EML5: variants seen among roughly 807,000 people sequenced by gnomAD.
EML5 encodes EMAP like 5.
In EML5, 120 loss-of-function variants were observed where a neutral mutation model predicts 250.0. That is an observed-to-expected ratio of 0.48 (90% CI 0.41 to 0.56). EML5 has a LOEUF of 0.56. Among genes scored for constraint, EML5 ranks in the 20% least tolerant of loss-of-function variants. The pLI is 0.00. For missense variants in EML5, 2,006 were observed against 2,437.6 expected (o/e 0.82, Z 3.73); for synonymous variants, 771 against 806.5 (o/e 0.96, Z 0.75).
chr14:88,783,241 T>G (rs1421224202), intron 1 of EML5, among the ~76,000 whole-genome samples: 2 of 152,102 alleles, frequency 1.3e-5, no homozygotes, highest in Non-Finnish European at 1.5e-5. Context: ...TGGGGTTGGA[T>G]CCCCTACACA....
At chr14:88,621,745 C>T (rs541781758) in intron 37 of EML5, 2 of 342,364 alleles carry the variant, frequency 5.8e-6, no homozygotes, top group South Asian at 4.8e-5. Flanking sequence ...TACAAACACG[C>T]TCAAAAATTT....
chr14:88,738,740 C>T, intron 6 of EML5, 139 bp downstream of exon 6: 1 of 1,005,312 alleles, frequency 9.9e-7, no homozygotes, highest in Non-Finnish European at 1.4e-6. Context: ...GAATTTTAAT[C>T]AAATGCATAC....
chr14:88,786,132 C>G (rs1279041412), intron 1 of EML5, among the ~76,000 whole-genome samples: 2 of 152,188 alleles, frequency 1.3e-5, no homozygotes, highest in African/African-American at 4.8e-5. Context: ...CCTTTCCACA[C>G]AGCACATTAC....
chr14:88,700,006 T>C (rs1021882018), intron 14 of EML5, among the ~76,000 whole-genome samples: 2 of 152,120 alleles, frequency 1.3e-5, no homozygotes, highest in Non-Finnish European at 2.9e-5. Context: ...ACAGAATAAT[T>C]TGTCCAATTC....
At chr14:88,621,463 ACAGGCACACATCTAT>A (rs1266152709) in intron 37 of EML5, 162 bp from the exon 38 acceptor site, 1 of 675,516 alleles carries the variant, frequency 1.5e-6, no homozygotes, top group Non-Finnish European at 2.6e-6. Context: ...TTCTATGACT[ACAGGCACACATCTAT>A]CTGTAAGCAC....
intron 21 of EML5, among the ~76,000 whole-genome samples, chr14:88,675,518 G>A (rs12434978): frequency 0.17 from 26,619 of 152,126 alleles, 2,872 homozygotes; most frequent in East Asian, 0.47. Flanking sequence ...AGAGGGGCCC[G>A]TGGCCTGGCC....
At chr14:88,775,192 T>C (rs1453954225) in intron 1 of EML5, among the ~76,000 whole-genome samples, 1 of 152,146 alleles carries the variant, frequency 6.6e-6, no homozygotes, top group Non-Finnish European at 1.5e-5. Flanking sequence ...TTATCAACTG[T>C]GGTGGCCATG....
At chr14:88,627,165 C>A in intron 34 of EML5, 119 bp from the exon 35 acceptor site, 1 of 927,582 alleles carries the variant, frequency 1.1e-6, no homozygotes, top group Non-Finnish European at 1.7e-6. Flanking sequence ...AGGCCAATGG[C>A]CCCTGCTCTA....
intron 28 of EML5, among the ~76,000 whole-genome samples, chr14:88,649,482 G>A (rs1326913412): frequency 1.3e-5 from 2 of 152,080 alleles, no homozygotes; most frequent in Non-Finnish European, 2.9e-5. Context: ...TTACCTACAT[G>A]TCATTTTATT....
At chr14:88,654,430 C>T (rs1018316816) in intron 27 of EML5, among the ~76,000 whole-genome samples, 1 of 152,160 alleles carries the variant, frequency 6.6e-6, no homozygotes. Context: ...CTATACATTT[C>T]CCTCTAAAGA....
intron 1 of EML5, among the ~76,000 whole-genome samples, chr14:88,788,492 G>A (rs966480953): frequency 2.0e-5 from 3 of 150,890 alleles, no homozygotes; most frequent in South Asian, 2.1e-4. Flanking sequence ...CAGATGCATC[G>A]TCATTTGAGC....
intron 7 of EML5, among the ~76,000 whole-genome samples, chr14:88,734,496 C>T (rs1470920229): frequency 6.6e-6 from 1 of 151,420 alleles, no homozygotes; most frequent in African/African-American, 2.4e-5. Flanking sequence ...GGCCACAATA[C>T]AAAAAGAGAT....
rs1048811616 is a variant in EML5 at position 88,613,126 on chromosome 14, T to G, written c.*2692A>C. 17 of 152,268 alleles carry G rather than the reference T, an allele frequency of 1.1e-4. No individual in the cohort carries two copies. The highest frequency in any genetic ancestry group is 2.2e-4 in the Non-Finnish European group (15 of 68,038). The allele number at this position is 152,268 out of a possible 1,614,324, so 9.4% of individuals were successfully genotyped here. On this transcript the variant is annotated 3_prime_UTR_variant, in exon 44 of 44. Transcript: ENST00000554922. ...CTTTTCCATTGGGAGAAGAAAGAAT[T>G]AACCAGTCATTAAACCATTTGGTAA...
chr14:88,751,944 A>C (rs2094102721), intron 2 of EML5, among the ~76,000 whole-genome samples: 1 of 152,230 alleles, frequency 6.6e-6, no homozygotes, highest in Non-Finnish European at 1.5e-5. Flanking sequence ...GGAGATAATA[A>C]TAGCATCTAT....
chr14:88,665,681 GAAGGGGC>G (rs972414718), intron 21 of EML5, among the ~76,000 whole-genome samples, 192 bp from the exon 22 acceptor site: 8 of 152,186 alleles, frequency 5.3e-5, no homozygotes, highest in Non-Finnish European at 1.2e-4. Flanking sequence ...CAGAGTAGGG[GAAGGGGC>G]AAGGGGCAAA....
intron 1 of EML5, among the ~76,000 whole-genome samples, chr14:88,766,826 C>G (rs2094326645): frequency 6.6e-6 from 1 of 152,110 alleles, no homozygotes; most frequent in African/African-American, 2.4e-5. Flanking sequence ...TAAAATTTCT[C>G]TCTTTTGTAC....
chr14:88,657,199 C>T (rs1755780428), intron 27 of EML5, among the ~76,000 whole-genome samples, 177 bp downstream of exon 27: 1 of 152,120 alleles, frequency 6.6e-6, no homozygotes, highest in South Asian at 2.1e-4. Flanking sequence ...CACTACATCA[C>T]CCAGGCTGAT....
rs780727465 is a variant in EML5, at chr14:88,712,343, T to A, written c.1585A>T (p.Ile529Phe). 1.2e-6 allele frequency: 2 copies of A among 1,610,414 alleles called. No homozygotes were observed. Among genetic ancestry groups the A allele is most frequent in the Non-Finnish European group, 1.7e-6 (2 of 1,177,018 alleles). The change falls in exon 10 of 44, where the codon ATT becomes TTT. Residue 529 changes from isoleucine to phenylalanine, a missense_variant. This residue lies in a region of EML5 where 1,375 missense variants were observed against 1,590.3 expected (regional missense o/e 0.86). Coordinates refer to ENST00000554922, the MANE Select transcript of EML5 (RefSeq NM_183387.3). ...NDINSVDGNYIGQVLVTADDY... is the reference protein window; with the variant it reads ...NDINSVDGNYFGQVLVTADDY... ...TCAGCTGTAACTAAAACTTGGCCAA[T>A]ATAATTTCCATCTACTGAATTTATA...
intron 1 of EML5, among the ~76,000 whole-genome samples, chr14:88,775,380 C>T (rs561663763): frequency 2.7e-5 from 4 of 150,422 alleles, no homozygotes; most frequent in African/African-American, 9.8e-5. Context: ...CAGAAGGGAG[C>T]CCATTGCCCT....
Sources: gnomAD v4.1 joint callset for allele counts (sites outside exome capture counted in the v4.1 genomes callset) on GRCh38, gnomAD v4.1.1 for gene constraint, gnomAD v4.1.1 regional missense constraint, MANE v1.5 for transcripts, NCBI Gene and HGNC (gene_info 2026-07-23, HGNC 2026-07-21) for gene names.